Variants in ATP7B observed in about 807,000 individuals in gnomAD.
ATP7B encodes copper-transporting ATPase 2.
In ATP7B, 113 loss-of-function variants were observed where a neutral mutation model predicts 118.9. The ratio of observed to expected loss-of-function variants is 0.95; its 90% CI spans 0.82 to 1.11. ATP7B has a LOEUF of 1.11. Among genes scored for constraint, ATP7B ranks in the 50% most tolerant of loss-of-function variants. The pLI, the probability that ATP7B is intolerant of heterozygous loss-of-function variation, is 0.00. For missense variants in ATP7B, 1,867 were observed against 1,871.4 expected (o/e 1.00, Z 0.04); for synonymous variants, 777 against 727.4 (o/e 1.07, Z -1.10).
chr13:51,959,962 C>G (rs1000689328), intron 7 of ATP7B, 186 bp downstream of exon 7: 9 of 783,860 alleles, frequency 1.1e-5, no homozygotes, highest in African/African-American at 7.0e-5. Flanking sequence ...ACTGGGGGGG[C>G]CCCAAGCCCC....
chr13:51,989,192 C>A (rs1407688539), intron 1 of ATP7B, among the ~76,000 whole-genome samples: 1 of 152,156 alleles, frequency 6.6e-6, no homozygotes, highest in Non-Finnish European at 1.5e-5. Context: ...ACTGATAAGG[C>A]AAACTAATTA....
chr13:51,949,828 A>G (rs1957883243), intron 11 of ATP7B, 32 bp from the exon 12 acceptor site: 2 of 1,613,790 alleles, frequency 1.2e-6, no homozygotes, highest in African/African-American at 1.3e-5. Context: ...ACCATGGGAA[A>G]TTACAACCTA....
chr13:51,972,688 G>A (rs1007468108), intron 2 of ATP7B, among the ~76,000 whole-genome samples: 4 of 152,084 alleles, frequency 2.6e-5, no homozygotes, highest in Non-Finnish European at 5.9e-5. Context: ...ATCTGACTTC[G>A]TGCTTCCTCT....
At chr13:51,952,907 G>T (rs1206338531) in intron 9 of ATP7B, among the ~76,000 whole-genome samples, 1 of 152,162 alleles carries the variant, frequency 6.6e-6, no homozygotes, top group Non-Finnish European at 1.5e-5. Flanking sequence ...AGGCACCAGG[G>T]TAGGCTGGGG....
rs1957143237 is a variant in ATP7B at position 51,938,954 on chromosome 13, G to A, written c.3699+97C>T. 8 of 1,573,422 alleles carry A rather than the reference G, an allele frequency of 5.1e-6. No homozygotes were observed. In the Admixed American group the frequency reaches 8.3e-5, roughly 16 times the overall value. On this transcript the variant is annotated intron_variant, in intron 17 of 20. Coordinates refer to ENST00000242839, the MANE Select transcript of ATP7B (RefSeq NM_000053.4). The stretch of plus-strand genomic sequence containing the variant: ...AAAAGCATCCAGCAAGGGAGAAAGA[G>A]CAGGAGTACAGCTCAGTGCTGGGCC...
intron 1 of ATP7B, among the ~76,000 whole-genome samples, chr13:52,007,150 C>T (rs1049276070): frequency 6.6e-6 from 1 of 152,140 alleles, no homozygotes; most frequent in Non-Finnish European, 1.5e-5. Flanking sequence ...GGTGCACCTA[C>T]ATGTGGGAAA....
In ATP7B at chr13:51,932,837, C is replaced by T. The variant is rs1956777763; in HGVS notation, c.*1919G>A. ...CATATATGAACACAACGTTTATGGT[C>T]CTAAAAGTTTTAAAAATCAACAGAA... On this transcript the variant is annotated 3_prime_UTR_variant, in exon 21 of 21. Transcript: ENST00000242839. 1 of 151,990 alleles carries T rather than the reference C, an allele frequency of 6.6e-6. No individual in the cohort carries two copies. The highest frequency in any genetic ancestry group is 2.1e-4 in the South Asian group (1 of 4,816). 9.4% of individuals were successfully genotyped at this position (151,990 alleles called of 1,614,324 possible). A position where few individuals can be genotyped will look rare whatever the true frequency, so the allele number is the denominator to read the frequency against.
chr13:51,981,525 C>T (rs564282836), intron 1 of ATP7B, among the ~76,000 whole-genome samples: 15 of 152,166 alleles, frequency 9.9e-5, no homozygotes, highest in Non-Finnish European at 2.2e-4. Flanking sequence ...CTGCCTTGCT[C>T]GGCCTTATCT....
In ATP7B at chr13:51,961,911, T is replaced by C; in HGVS notation, c.1872A>G (p.Glu624=). ...GGGCCAGGGAAGCATGAAAGCCAAT[T>C]TCCTTGTCATTAAAAAGAGAGGGGT... ...GPRDIIKIIE[E]IGFHASLAQR... Residue 624 remains glutamate, a splice_region_variant and synonymous_variant, in exon 6 of 21, where the codon GAA becomes GAG. Coordinates refer to ENST00000242839, the MANE Select transcript of ATP7B (RefSeq NM_000053.4). The C allele has an allele frequency of 6.2e-7, 1 of 1,613,410 alleles. No individual in the cohort carries two copies. The highest frequency in any genetic ancestry group is 2.2e-5 in the East Asian group (1 of 44,884).
At chr13:51,959,380 G>A (rs1958580086) in intron 7 of ATP7B, 1 of 152,574 alleles carries the variant, frequency 6.6e-6, no homozygotes, top group African/African-American at 2.4e-5. Context: ...ATGGTGGCAG[G>A]CGCTTGTGGT....
intron 5 of ATP7B, among the ~76,000 whole-genome samples, chr13:51,962,341 G>A (rs1206235474): frequency 3.3e-5 from 5 of 152,146 alleles, no homozygotes; most frequent in Admixed American, 2.0e-4. Flanking sequence ...TTGCCACTGC[G>A]GCAGAACTCG....
chr13:51,964,405 A>C (rs1380011791), intron 5 of ATP7B, among the ~76,000 whole-genome samples: 1 of 152,186 alleles, frequency 6.6e-6, no homozygotes, highest in Non-Finnish European at 1.5e-5. Context: ...GCACGCATGA[A>C]AATTCTCACG....
At chr13:51,981,119 A>C (rs1952394603) in intron 1 of ATP7B, among the ~76,000 whole-genome samples, 1 of 152,228 alleles carries the variant, frequency 6.6e-6, no homozygotes, top group South Asian at 2.1e-4. Flanking sequence ...CAAGAGCACA[A>C]ATCAACATTA....
chr13:51,983,410 C>T (rs1021290567), intron 1 of ATP7B, among the ~76,000 whole-genome samples: 1 of 152,138 alleles, frequency 6.6e-6, no homozygotes, highest in African/African-American at 2.4e-5. Context: ...AGGCAGCAGC[C>T]CCAGTCAGGG....
At chr13:51,977,498 C>A (rs1952182843) in intron 1 of ATP7B, among the ~76,000 whole-genome samples, 2 of 152,172 alleles carry the variant, frequency 1.3e-5, no homozygotes, top group Non-Finnish European at 2.9e-5. Flanking sequence ...GGTGCGATAA[C>A]AGGCATGGAG....
At chr13:51,999,829 C>T (rs924200110) in intron 1 of ATP7B, among the ~76,000 whole-genome samples, 5 of 152,182 alleles carry the variant, frequency 3.3e-5, no homozygotes, top group African/African-American at 9.7e-5. Flanking sequence ...CTAGTCCGCT[C>T]ACCCTTCGCT....
intron 1 of ATP7B, among the ~76,000 whole-genome samples, chr13:52,008,275 G>A (rs896478616): frequency 6.6e-6 from 1 of 152,214 alleles, no homozygotes; most frequent in Non-Finnish European, 1.5e-5. Flanking sequence ...GGGAGGCACA[G>A]GTTGCAGTGA....
At chr13:51,962,522 CTT>C (rs1401708659) in intron 5 of ATP7B, among the ~76,000 whole-genome samples, 6 of 152,330 alleles carry the variant, frequency 3.9e-5, no homozygotes, top group Admixed American at 2.6e-4. Flanking sequence ...CACGAATGCT[CTT>C]GTCTGGTAGC....
intron 12 of ATP7B, among the ~76,000 whole-genome samples, chr13:51,947,131 T>C (rs748620835): frequency 6.6e-6 from 1 of 152,194 alleles, no homozygotes; most frequent in Non-Finnish European, 1.5e-5. Flanking sequence ...ACTATTGGAA[T>C]GATGATGGAA....
Sources: gnomAD v4.1 joint callset for allele counts (sites outside exome capture counted in the v4.1 genomes callset) on GRCh38, gnomAD v4.1.1 for gene constraint, MANE v1.5 for transcripts, NCBI Gene and HGNC (gene_info 2026-07-23, HGNC 2026-07-21) for gene names.